Variants in RECQL observed in about 807,000 individuals in gnomAD.
RECQL encodes ATP-dependent DNA helicase Q1.
In RECQL, 73 loss-of-function variants were observed where a neutral mutation model predicts 75.8. The ratio of observed to expected loss-of-function variants is 0.96; its 90% CI spans 0.80 to 1.17. RECQL has a LOEUF of 1.17. Ranked by LOEUF, RECQL falls within the 50% of genes most tolerant of loss-of-function variation. The pLI is 0.00. For synonymous variants in RECQL, 248 were observed against 254.4 expected (o/e 0.97, Z 0.24); for missense variants, 699 against 772.1 (o/e 0.91, Z 1.12).
intron 12 of RECQL, among the ~76,000 whole-genome samples, chr12:21,472,113 A>G (rs963702239): frequency 5.9e-5 from 9 of 152,126 alleles, no homozygotes; most frequent in Non-Finnish European, 1.3e-4. Context: ...AGATAGTCTA[A>G]TAAACTCATA....
intron 2 of RECQL, among the ~76,000 whole-genome samples, chr12:21,498,182 G>A (rs962825619): frequency 2.0e-5 from 3 of 152,208 alleles, no homozygotes; most frequent in African/African-American, 7.2e-5. Flanking sequence ...CCAACAACCT[G>A]CAGCAGCTAG....
chr12:21,471,134 T>C (rs1293040218), intron 13 of RECQL, 36 bp from the exon 14 acceptor site: 5 of 1,537,310 alleles, frequency 3.3e-6, no homozygotes, highest in Non-Finnish European at 4.3e-6. Flanking sequence ...AGAAAGCTTT[T>C]GAAGGAATCA....
At chr12:21,482,330 T>C (rs1943206947) in intron 6 of RECQL, among the ~76,000 whole-genome samples, 1 of 151,980 alleles carries the variant, frequency 6.6e-6, no homozygotes, top group African/African-American at 2.4e-5. Context: ...CCTGATGGCA[T>C]CTATTTTCTG....
intron 2 of RECQL, among the ~76,000 whole-genome samples, chr12:21,495,208 G>T (rs1188506488): frequency 6.6e-6 from 1 of 152,132 alleles, no homozygotes; most frequent in African/African-American, 2.4e-5. Flanking sequence ...GGAGCCTGTT[G>T]GGGAAGGACT....
At position 21,494,627 on chromosome 12, in the gene RECQL, A is replaced by G. The variant is rs146760342; in HGVS notation, c.17-2911T>C. ...AATTTCCTGGGTATGCTCTAAAGGA[A>G]GGTATTCAGAGGCTTAGAGAGAGAG... On this transcript the variant is annotated intron_variant, in intron 2 of 14. Coordinates refer to ENST00000444129, the MANE Select transcript of RECQL (RefSeq NM_002907.4). Among the ~76,000 whole-genome samples, 54 of 152,280 alleles carry G rather than the reference A, an allele frequency of 3.5e-4. No individual in the cohort carries two copies. In the East Asian group the frequency reaches 4.3e-3, roughly 12 times the overall value.
intron 11 of RECQL, 73 bp from the exon 12 acceptor site, chr12:21,473,715 A>G: frequency 1.6e-6 from 2 of 1,267,742 alleles, no homozygotes; most frequent in South Asian, 2.5e-5. Flanking sequence ...TTCAGCTTAC[A>G]TAGTTATATA....
At chr12:21,478,657 TCA>T (rs1411965534) in intron 6 of RECQL, among the ~76,000 whole-genome samples, 2 of 152,166 alleles carry the variant, frequency 1.3e-5, no homozygotes, top group Non-Finnish European at 2.9e-5. Flanking sequence ...TGGGGCTAAG[TCA>T]CAGAGTCTTG....
rs780849072 is a variant in RECQL at position 21,491,475 on chromosome 12, T to C, written c.214+44A>G. 5 of 1,515,586 alleles carry C rather than the reference T, an allele frequency of 3.3e-6. No homozygotes were observed. In the Admixed American group the frequency reaches 8.8e-5, roughly 27 times the overall value. The allele number at this position is 1,515,586 out of a possible 1,614,324, so 93.9% of individuals were successfully genotyped here. On this transcript the variant is annotated intron_variant, in intron 3 of 14. Transcript: ENST00000444129. Reference sequence around the variant, plus strand: ...GAATTCATTCTAGTTTTTTAAAATATGAGAAGAAATAAAACTAGCAAAAAA... The same window carrying C: ...GAATTCATTCTAGTTTTTTAAAATACGAGAAGAAATAAAACTAGCAAAAAA...
intron 2 of RECQL, among the ~76,000 whole-genome samples, chr12:21,495,909 T>C (rs1943499036): frequency 6.6e-6 from 1 of 152,222 alleles, no homozygotes; most frequent in African/African-American, 2.4e-5. Flanking sequence ...ATCTGCTGTG[T>C]GGTTATTTCC....
At chr12:21,476,316 A>T (rs1024579870) in intron 8 of RECQL, among the ~76,000 whole-genome samples, 2 of 152,022 alleles carry the variant, frequency 1.3e-5, no homozygotes, top group African/African-American at 4.8e-5. Context: ...AATACCTGCA[A>T]CCTTTCTCAA....
In RECQL at chr12:21,474,966, C is replaced by T; in HGVS notation, c.1230G>A (p.Met410Ile). ...CGTAGTACAAAATACAGTCTGCTTT[C>T]ATGTCATCTCGACCTGTGGTGTGAG... ...QESGRAGRDD[M>I]KADCILYYGF... Residue 410 changes from methionine to isoleucine, a missense_variant, in exon 11 of 15, where the codon ATG (methionine) becomes ATA (isoleucine). Physicochemically the swap from Met to Ile is conservative, Grantham distance 10 (BLOSUM62 1). This residue lies in a region of RECQL where 669 missense variants were observed against 713.5 expected (regional missense o/e 0.94). Transcript: ENST00000444129. 6.2e-7 allele frequency: 1 copy of T among 1,612,646 alleles called. No individual in the cohort carries two copies. Among genetic ancestry groups the T allele is most frequent in the Non-Finnish European group, 8.5e-7 (1 of 1,178,994 alleles).
Position 21,491,460 on chromosome 12 carries a change from T to C in RECQL, c.214+59A>G, listed in dbSNP as rs1943410248. 1.4e-6 allele frequency: 2 copies of C among 1,480,116 alleles called. 1 individual carries two copies. The highest frequency in any genetic ancestry group is 4.7e-5 in the East Asian group (2 of 42,326). The allele number at this position is 1,480,116 out of a possible 1,614,324, so 91.7% of individuals were successfully genotyped here. On this transcript the variant is annotated intron_variant, in intron 3 of 14. Transcript: ENST00000444129. ...GCACTGTCCCATCAAGAATTCATTC[T>C]AGTTTTTTAAAATATGAGAAGAAAT...
At chr12:21,496,785 G>A (rs975916771) in intron 2 of RECQL, among the ~76,000 whole-genome samples, 2 of 152,142 alleles carry the variant, frequency 1.3e-5, no homozygotes, top group African/African-American at 4.8e-5. Context: ...TGGACTACTT[G>A]GATTTGGGAG....
chr12:21,479,689 C>T (rs545467466), intron 6 of RECQL, among the ~76,000 whole-genome samples: 2 of 152,218 alleles, frequency 1.3e-5, no homozygotes, highest in Admixed American at 1.3e-4. Flanking sequence ...CTTCATAAAT[C>T]ATCTTTTGGT....
At chr12:21,499,461 T>C (rs1446690670) in intron 2 of RECQL, 94 bp downstream of exon 2, 1 of 1,186,918 alleles carries the variant, frequency 8.4e-7, no homozygotes, top group South Asian at 1.4e-5. Context: ...AAAAATCATT[T>C]CTATAATCAG....
Position 21,483,505 on chromosome 12 carries a change from G to T in RECQL, c.571C>A (p.Pro191Thr). ...NSELKLIYVT[P>T]EKIAKSKMFM... ...ATTTTGCTTTTTGCAATTTTCTCTGGAGTCACATAAATCAGCTTTAACTCG... is the reference window on the plus strand; with the variant it reads ...ATTTTGCTTTTTGCAATTTTCTCTGTAGTCACATAAATCAGCTTTAACTCG... Residue 191 changes from proline (P) to threonine (T), a missense_variant, in exon 6 of 15, where the codon CCA becomes ACA. Pro to Thr is a conservative substitution (Grantham distance 38). Around this residue, in one of 2 missense-constraint regions of RECQL, gnomAD observed 669 missense variants for 713.5 expected, o/e 0.94. Transcript: ENST00000444129. 1 of 1,587,206 alleles carries T rather than the reference G, an allele frequency of 6.3e-7. No individual in the cohort carries two copies. The highest frequency in any genetic ancestry group is 2.0e-5 in the Admixed American group (1 of 50,806).
chr12:21,485,397 A>T (rs1943274154), intron 5 of RECQL, among the ~76,000 whole-genome samples: 1 of 151,866 alleles, frequency 6.6e-6, no homozygotes, highest in Admixed American at 6.6e-5. Context: ...ACAAGGACGC[A>T]ATCAGGAAAA....
At chr12:21,496,302 T>C (rs1236042420) in intron 2 of RECQL, among the ~76,000 whole-genome samples, 2 of 152,240 alleles carry the variant, frequency 1.3e-5, no homozygotes, top group East Asian at 1.9e-4. Context: ...ACAGAACACA[T>C]GCCCTGGCAT....
At chr12:21,476,808 T>C (rs1010476211) in intron 8 of RECQL, 103 bp downstream of exon 8, 6 of 542,168 alleles carry the variant, frequency 1.1e-5, no homozygotes, top group African/African-American at 4.0e-5. Flanking sequence ...TATACATTAA[T>C]TTTTTTTGGT....
Sources: gnomAD v4.1 joint callset for allele counts (sites outside exome capture counted in the v4.1 genomes callset) on GRCh38, gnomAD v4.1.1 for gene constraint, gnomAD v4.1.1 regional missense constraint, MANE v1.5 for transcripts, NCBI Gene and HGNC (gene_info 2026-07-23, HGNC 2026-07-21) for gene names.